The following PARVB variants were observed in gnomAD, a reference collection of about 807,000 sequenced individuals.
The protein encoded by PARVB is beta-parvin.
In PARVB, 46 loss-of-function variants were observed where a neutral mutation model predicts 47.0. The ratio of observed to expected loss-of-function variants is 0.98; its 90% CI spans 0.77 to 1.25. PARVB has a LOEUF of 1.25. Ranked by LOEUF, PARVB falls within the 50% of genes most tolerant of loss-of-function variation. PARVB has a pLI of 0.00. For synonymous variants in PARVB, 196 were observed against 196.3 expected (o/e 1.00, Z 0.01); for missense variants, 473 against 471.6 (o/e 1.00, Z -0.03).
At chr22:44,069,753 T>C (rs932330609) in intron 1 of PARVB, among the ~76,000 whole-genome samples, 1 of 152,144 alleles carries the variant, frequency 6.6e-6, no homozygotes, top group Admixed American at 6.5e-5. Context: ...GGTCTTGAAC[T>C]CCTGACCTCA....
intron 4 of PARVB, among the ~76,000 whole-genome samples, chr22:44,128,572 C>T (rs1670966218): frequency 6.6e-6 from 1 of 152,250 alleles, no homozygotes; most frequent in African/African-American, 2.4e-5. Context: ...CTGTTGCCTG[C>T]TGTTTCCACC....
rs1206815981 is a variant in PARVB, at chr22:44,000,006, C to CA, written c.211+342dup. ...GGGGTGACAGAGCGAGACCCTGTCA[C>CA]AAAAAAAAAGAAAGAAAGTGGACTA... On this transcript the variant is annotated intron_variant, in intron 2 of 13. Transcript: ENST00000406477. 2.9e-4 allele frequency among the ~76,000 whole-genome samples: 43 copies of CA among 150,462 alleles called. 1 individual carries two copies. The highest frequency in any genetic ancestry group is 3.5e-3 in the Middle Eastern group (1 of 288).
At chr22:44,148,285 G>A (rs373776124) in intron 9 of PARVB, 8 of 345,560 alleles carry the variant, frequency 2.3e-5, no homozygotes, top group African/African-American at 1.3e-4. Context: ...CAGTAAACAC[G>A]CAGGCCTGTG....
chr22:44,152,912 T>G (rs1463405252), intron 10 of PARVB: 3 of 152,180 alleles, frequency 2.0e-5, no homozygotes, highest in Non-Finnish European at 4.4e-5. Flanking sequence ...AAAAACTAAT[T>G]CAGGTTCATT....
intron 12 of PARVB, among the ~76,000 whole-genome samples, chr22:44,164,990 C>T (rs932221479): frequency 6.6e-6 from 1 of 152,048 alleles, no homozygotes; most frequent in Non-Finnish European, 1.5e-5. Flanking sequence ...GTGTGTATGG[C>T]TGTTTATTCT....
intron 6 of PARVB, 122 bp from the exon 7 acceptor site, chr22:44,136,338 C>G: frequency 2.3e-6 from 2 of 866,026 alleles, no homozygotes; most frequent in South Asian, 1.4e-5. Context: ...AACACCACCC[C>G]TCCTTCTCCT....
intron 1 of PARVB, among the ~76,000 whole-genome samples, chr22:44,045,735 T>C (rs2051101640): frequency 6.6e-6 from 1 of 152,216 alleles, no homozygotes; most frequent in Non-Finnish European, 1.5e-5. Context: ...TGATCATCAA[T>C]GTATGGATTT....
At chr22:44,098,970 T>C (rs2052375784) in intron 2 of PARVB, among the ~76,000 whole-genome samples, 1 of 152,140 alleles carries the variant, frequency 6.6e-6, no homozygotes, top group Non-Finnish European at 1.5e-5. Context: ...CCACTTACGC[T>C]CAGCTTCAAA....
intron 4 of PARVB, among the ~76,000 whole-genome samples, chr22:44,120,906 C>T (rs764692664): frequency 4.0e-5 from 6 of 151,546 alleles, no homozygotes; most frequent in African/African-American, 7.3e-5. Context: ...TGCAGTGGTG[C>T]GATCTCAGCT....
At chr22:44,033,436 T>C (rs933403431) in intron 1 of PARVB, among the ~76,000 whole-genome samples, 1 of 152,176 alleles carries the variant, frequency 6.6e-6, no homozygotes, top group African/African-American at 2.4e-5. Flanking sequence ...TACCCAGAAA[T>C]GTGAGGGCAA....
At chr22:44,146,118 C>T (rs1424210443) in intron 8 of PARVB, 4 of 151,632 alleles carry the variant, frequency 2.6e-5, no homozygotes, top group Non-Finnish European at 5.9e-5. Flanking sequence ...CACAGGCACA[C>T]ACACGCTCAC....
intron 1 of PARVB, among the ~76,000 whole-genome samples, chr22:44,027,923 A>ATATATATATATATATTCATGTGTGTG (rs1190536995): frequency 4.7e-5 from 7 of 147,790 alleles, no homozygotes; most frequent in African/African-American, 1.7e-4. Flanking sequence ...CCATATATAT[A>ATATATATATATATATTCATGTGTGTG]TATATATATA....
At chr22:44,100,727 G>A (rs149412876) in intron 3 of PARVB, among the ~76,000 whole-genome samples, 51 of 152,294 alleles carry the variant, frequency 3.3e-4, no homozygotes, top group African/African-American at 1.0e-3. Context: ...CCTGCTCACC[G>A]TGAGGCAGTG....
intron 2 of PARVB, among the ~76,000 whole-genome samples, chr22:43,999,847 A>AAAAC (rs66606828): frequency 2.1e-5 from 3 of 144,190 alleles, no homozygotes; most frequent in Non-Finnish European, 3.0e-5. Flanking sequence ...AAAAAAAAAA[A>AAAAC]AAAAAAAAAA....
intron 1 of PARVB, among the ~76,000 whole-genome samples, chr22:44,037,492 C>T (rs1426594774): frequency 1.3e-5 from 2 of 152,170 alleles, no homozygotes; most frequent in African/African-American, 2.4e-5. Context: ...GACTTGGGCA[C>T]TGCTGATGTC....
Position 44,163,882 on chromosome 22 carries a change from G to C in PARVB, c.970G>C (p.Glu324Gln). The C allele has an allele frequency of 6.2e-7, 1 of 1,610,934 alleles. No homozygotes were observed. The change falls in exon 12 of 13, where the codon GAG becomes CAG. Residue 324 changes from glutamate to glutamine, a missense_variant. By Grantham distance (29) the Glu-to-Gln change is conservative. Coordinates refer to ENST00000338758, the MANE Select transcript of PARVB (RefSeq NM_013327.5). Reference protein sequence around the residue: ...QKVHNVSFAFELMLDGGLKKP... With the variant: ...QKVHNVSFAFQLMLDGGLKKP... ...GGTCCACAATGTGTCCTTCGCCTTT[G>C]AGCTGATGCTGGACGGAGGCCTCAA...
intron 6 of PARVB, 103 bp downstream of exon 6, chr22:44,133,112 G>T (rs1046168810): frequency 4.6e-6 from 3 of 652,940 alleles, no homozygotes; most frequent in Non-Finnish European, 7.7e-6. Flanking sequence ...CCCCCCAGGA[G>T]GCTACCTTCT....
chr22:44,140,019 G>A, intron 7 of PARVB, 105 bp from the exon 8 acceptor site: 5 of 128,256 alleles, frequency 3.9e-5, no homozygotes, highest in Non-Finnish European at 6.2e-5. Flanking sequence ...GGCAGCGAGG[G>A]CCCAGCTTTC....
chr22:44,034,996 C>G (rs1052356063), intron 1 of PARVB, among the ~76,000 whole-genome samples: 2 of 152,100 alleles, frequency 1.3e-5, no homozygotes, highest in Non-Finnish European at 1.5e-5. Flanking sequence ...CAGGCATGAA[C>G]AACTGCACCC....
Sources: gnomAD v4.1 joint callset for allele counts (sites outside exome capture counted in the v4.1 genomes callset) on GRCh38, gnomAD v4.1.1 for gene constraint, MANE v1.5 for transcripts, NCBI Gene and HGNC (gene_info 2026-07-23, HGNC 2026-07-21) for gene names.